Variants in TENM3 observed in about 807,000 individuals in gnomAD.
TENM3 encodes teneurin-3.
Under a neutral mutation model 255.1 loss-of-function variants are expected in TENM3, and 63 were observed. The ratio of observed to expected loss-of-function variants is 0.25; its 90% confidence interval spans 0.20 to 0.30. The LOEUF (loss-of-function observed/expected upper bound fraction) is 0.30, where lower values mean the gene tolerates loss of function less well. Among genes scored for constraint, TENM3 ranks in the 10% least tolerant of loss-of-function variants. The probability of loss-of-function intolerance (pLI) is 1.00; values close to 1 mark genes in which losing one functional copy is unlikely to be tolerated. For synonymous variants in TENM3, 1,306 were observed against 1,322.3 expected, an observed-to-expected ratio of 0.99 and a Z score of 0.27; for missense variants, 2,929 against 3,461.1, an observed-to-expected ratio of 0.85 and a Z score of 3.86.
chr4:182,277,118 ATTAC>A (rs1209565920), intron 1 of TENM3, among the ~76,000 whole-genome samples: 3 of 152,234 alleles, frequency 2.0e-5, no homozygotes, highest in Non-Finnish European at 4.4e-5. Flanking sequence ...GTCAGGTCCT[ATTAC>A]TTGGGAATGT....
In TENM3 at chr4:182,212,771, A is replaced by G. The variant is rs1755142010; in HGVS notation, c.-76+68017A>G. ...TTAGTGTGACAAGTGGAAGAAAATC[A>G]ATTTTGACTTCCCAAAGATAGAACG... On this transcript the variant is annotated intron_variant, in intron 1 of 2. Coordinates refer to the TENM3 transcript ENST00000512480. 2.0e-5 allele frequency among the ~76,000 whole-genome samples: 3 copies of G among 152,234 alleles called. No individual in the cohort carries two copies. The South Asian group carries it at 6.2e-4, about 32-fold the overall frequency.
At chr4:182,643,454 A>T (rs1224417531) in intron 5 of TENM3, among the ~76,000 whole-genome samples, 2 of 152,198 alleles carry the variant, frequency 1.3e-5, no homozygotes, top group African/African-American at 4.8e-5. Context: ...TAGCCTAAAT[A>T]TTTGTATTTT....
At chr4:181,597,112 T>C in the TENM3 span, among the ~76,000 whole-genome samples, 175 of 152,368 alleles carry the variant, frequency 1.1e-3, no homozygotes, top group African/African-American at 4.0e-3. Context: ...ATTCAACCAT[T>C]GTTTCATGAA....
the TENM3 span, among the ~76,000 whole-genome samples, chr4:181,502,288 T>C: frequency 1.3e-5 from 2 of 152,146 alleles, no homozygotes; most frequent in Non-Finnish European, 2.9e-5. Flanking sequence ...TTGTTAATGT[T>C]GGTTCATCCA....
At chr4:181,715,058 A>G in the TENM3 span, among the ~76,000 whole-genome samples, 2 of 152,222 alleles carry the variant, frequency 1.3e-5, no homozygotes. Context: ...ACTGAGGGTT[A>G]CCAATATTTG....
At chr4:182,771,504 G>A (rs910556225) in intron 22 of TENM3, among the ~76,000 whole-genome samples, 18 of 149,090 alleles carry the variant, frequency 1.2e-4, no homozygotes, top group African/African-American at 2.0e-4. Flanking sequence ...GAAATGGGGG[G>A]GGGGGAAATA....
At chr4:182,688,620 T>C (rs149942078) in intron 12 of TENM3, among the ~76,000 whole-genome samples, 37 of 152,360 alleles carry the variant, frequency 2.4e-4, no homozygotes, top group African/African-American at 8.9e-4. Context: ...ACAGACTTAA[T>C]GATTTGTTTA....
chr4:181,570,552 G>A, the TENM3 span, among the ~76,000 whole-genome samples: 1 of 145,230 alleles, frequency 6.9e-6, no homozygotes, highest in African/African-American at 2.6e-5. Flanking sequence ...AAAGAAAAGA[G>A]AGAGAGAAAA....
intron 7 of TENM3, among the ~76,000 whole-genome samples, chr4:182,675,387 C>T (rs1187584658): frequency 6.6e-6 from 1 of 151,744 alleles, no homozygotes; most frequent in East Asian, 2.0e-4. Flanking sequence ...ACTAAAAATA[C>T]AAAATTAGCC....
At chr4:182,562,458 C>T (rs1464600561) in intron 3 of TENM3, among the ~76,000 whole-genome samples, 2 of 152,136 alleles carry the variant, frequency 1.3e-5, no homozygotes, top group Non-Finnish European at 2.9e-5. Flanking sequence ...CCGCTGTTGC[C>T]TCATGTGTCC....
chr4:181,689,551 C>T, the TENM3 span, among the ~76,000 whole-genome samples: 3 of 152,054 alleles, frequency 2.0e-5, no homozygotes, highest in Admixed American at 6.5e-5. Flanking sequence ...AGTAGGGTTG[C>T]GGGGAGCAGA....
chr4:182,750,712 G>A (rs1762309694), intron 19 of TENM3, among the ~76,000 whole-genome samples: 1 of 152,076 alleles, frequency 6.6e-6, no homozygotes, highest in South Asian at 2.1e-4. Context: ...GTGTGTGTTC[G>A]TGGCTGTATG....
the TENM3 span, among the ~76,000 whole-genome samples, chr4:181,890,384 T>C: frequency 6.6e-6 from 1 of 152,148 alleles, no homozygotes; most frequent in South Asian, 2.1e-4. Context: ...AGGAGTACTG[T>C]CCTGATGCAG....
intron 4 of TENM3, among the ~76,000 whole-genome samples, chr4:182,612,842 A>T (rs1028513163): frequency 6.6e-6 from 1 of 152,182 alleles, no homozygotes. Flanking sequence ...AGTAAGCTTC[A>T]CTGAAGCCCT....
At chr4:181,904,327 C>G in the TENM3 span, among the ~76,000 whole-genome samples, 3 of 152,030 alleles carry the variant, frequency 2.0e-5, no homozygotes, top group East Asian at 5.8e-4. Context: ...CTTTTAGAAC[C>G]AAGCAGATCA....
the TENM3 span, among the ~76,000 whole-genome samples, chr4:181,777,820 C>G: frequency 6.6e-6 from 1 of 152,078 alleles, no homozygotes; most frequent in Non-Finnish European, 1.5e-5. Flanking sequence ...GACAGTTGCC[C>G]CATTCCACCT....
the TENM3 span, among the ~76,000 whole-genome samples, chr4:181,651,614 A>C: frequency 4.6e-5 from 7 of 152,020 alleles, no homozygotes; most frequent in Non-Finnish European, 1.0e-4. Flanking sequence ...TTCCAACCTG[A>C]TATCAACATT....
intron 5 of TENM3, among the ~76,000 whole-genome samples, chr4:182,653,070 TA>T (rs1211079108): frequency 4.6e-5 from 7 of 152,104 alleles, no homozygotes; most frequent in African/African-American, 1.7e-4. Flanking sequence ...TTTTTTAAAA[TA>T]AAGCAAATTA....
At chr4:182,278,002 C>T (rs569787971) in intron 1 of TENM3, among the ~76,000 whole-genome samples, 1 of 152,208 alleles carries the variant, frequency 6.6e-6, no homozygotes, top group Non-Finnish European at 1.5e-5. Flanking sequence ...GGCCTGGATC[C>T]TGTTTGTTTC....
Sources: allele counts gnomAD v4.1 joint callset (sites outside exome capture counted in the v4.1 genomes callset), GRCh38; gene constraint gnomAD v4.1.1; transcripts MANE v1.5; gene names NCBI Gene and HGNC (gene_info 2026-07-23, HGNC 2026-07-21).